The following PRKAG1 variants were observed in gnomAD, a reference collection of about 807,000 sequenced individuals.
The protein encoded by PRKAG1 is protein kinase AMP-activated non-catalytic subunit gamma 1.
Under a neutral mutation model 48.2 loss-of-function variants are expected in PRKAG1, and 27 were observed. That is an observed-to-expected ratio of 0.56 (90% CI 0.41 to 0.77). The LOEUF (loss-of-function observed/expected upper bound fraction) is 0.77. Among genes scored for constraint, PRKAG1 ranks in the 30% least tolerant of loss-of-function variants. The pLI is 0.00. For missense variants in PRKAG1, 287 were observed against 398.3 expected, an observed-to-expected ratio of 0.72 and a Z score of 2.38; for synonymous variants, 130 against 147.7, an observed-to-expected ratio of 0.88 and a Z score of 0.87.
chr12:49,004,442 TTCAATCAA>T (rs371341505), intron 8 of PRKAG1, 57 bp downstream of exon 8: 60 of 1,580,530 alleles, frequency 3.8e-5, no homozygotes, highest in Middle Eastern at 1.7e-4. Context: ...CGTCTCTCTT[TTCAATCAA>T]TCAATCAATC....
At position 49,005,422 on chromosome 12, in the gene PRKAG1, A is replaced by G; in HGVS notation, c.250+40T>C. The G allele has an allele frequency of 6.2e-7, 1 of 1,614,122 alleles. No individual in the cohort carries two copies. The highest frequency in any genetic ancestry group is 8.5e-7 in the Non-Finnish European group (1 of 1,180,032). ...TGAAGCTTGTCTCCCTGCCCAGCAC[A>G]AGATGCCAATAATATTGTGTTCCAG... On this transcript the variant is annotated intron_variant, in intron 4 of 11. Transcript: ENST00000548065. This position sits in a 1 kb window ranked among gnomAD's most constrained non-coding sequence, Gnocchi z 4.1.
intron 7 of PRKAG1, 135 bp downstream of exon 7, chr12:49,004,829 G>A (rs982715979): frequency 1.1e-6 from 1 of 912,878 alleles, no homozygotes; most frequent in Non-Finnish European, 1.8e-6. Flanking sequence ...GTGTGTGTGT[G>A]TGTGTGTGTG....
Position 49,005,315 on chromosome 12 carries a change from T to C in PRKAG1, c.300A>G (p.Lys100=), listed in dbSNP as rs771822493. 8 of 1,614,096 alleles carry C rather than the reference T, an allele frequency of 5.0e-6. No homozygotes were observed. Among genetic ancestry groups the C allele is most frequent in the Non-Finnish European group, 6.8e-6 (8 of 1,180,012 alleles). Residue 100 remains lysine, a synonymous_variant, in exon 5 of 12, where the codon AAA becomes AAG. Transcript: ENST00000548065. The surrounding 1 kb of genome is among the most constrained non-coding windows in gnomAD (Gnocchi z 4.1). ...GGTTAAGGTTCCTTACCAAGGCTGA[T>C]TTATAGTAGCGGTGCAGGATATTGA... ...DFINILHRYY[K]SALVQIYELE... is the part of the protein sequence containing the mutation.
Position 49,005,233 on chromosome 12 carries a change from G to A in PRKAG1, c.310-68C>T. The A allele has an allele frequency of 6.2e-7, 1 of 1,612,700 alleles. No homozygotes were observed. Among genetic ancestry groups the A allele is most frequent in the Non-Finnish European group, 8.5e-7 (1 of 1,178,786 alleles). On this transcript the variant is annotated intron_variant, in intron 5 of 11. Coordinates refer to ENST00000548065, the MANE Select transcript of PRKAG1 (RefSeq NM_002733.5). This position sits in a 1 kb window ranked among gnomAD's most constrained non-coding sequence, Gnocchi z 4.1. ...TTCCTTAAGCCCTCGTGGCTTGCTT[G>A]GAGAAAAAGAAATGAGAATGAGGGA...
chr12:49,018,683 G>C (rs749043443), intron 1 of PRKAG1, 49 bp downstream of exon 1: 5 of 1,613,416 alleles, frequency 3.1e-6, no homozygotes, highest in Admixed American at 3.3e-5. Context: ...GGGTTGGGGG[G>C]GTGTCTTAGG....
chr12:49,018,421 T>A (rs1036749675), intron 1 of PRKAG1: 4 of 1,280,942 alleles, frequency 3.1e-6, no homozygotes, highest in Non-Finnish European at 4.0e-6. Context: ...TAAAAGGGCT[T>A]GAGGTGCCAA....
At chr12:49,006,398 C>T (rs965531037) in intron 2 of PRKAG1, among the ~76,000 whole-genome samples, 4 of 151,942 alleles carry the variant, frequency 2.6e-5, no homozygotes, top group Non-Finnish European at 4.4e-5. Context: ...ATTCTAAGAC[C>T]TGCAAATGGG....
intron 2 of PRKAG1, among the ~76,000 whole-genome samples, chr12:49,007,442 G>A (rs1941587335): frequency 6.6e-6 from 1 of 152,138 alleles, no homozygotes; most frequent in African/African-American, 2.4e-5. Context: ...ACCCAGATCT[G>A]TTTCCAAACT....
At chr12:49,012,978 G>A (rs1941818296) in intron 2 of PRKAG1, 84 bp downstream of exon 2, 1 of 1,366,572 alleles carries the variant, frequency 7.3e-7, no homozygotes, top group Non-Finnish European at 1.0e-6. Flanking sequence ...TTTTCCAGGG[G>A]AGAGATTCAA....
At chr12:49,004,217 A>G in intron 8 of PRKAG1, 1 of 517,118 alleles carries the variant, frequency 1.9e-6, no homozygotes, top group Non-Finnish European at 3.4e-6. Context: ...CCTGAGACCA[A>G]GAGGTTGGAG....
At chr12:49,004,119 A>C (rs1321443469) in intron 8 of PRKAG1, 197 bp from the exon 9 acceptor site, 6 of 658,084 alleles carry the variant, frequency 9.1e-6, no homozygotes, top group Non-Finnish European at 1.4e-5. Context: ...GCAAAACCCT[A>C]TCTCTATAAA....
At chr12:49,003,507 T>TGG in intron 10 of PRKAG1, 51 bp downstream of exon 10, 6 of 1,548,102 alleles carry the variant, frequency 3.9e-6, no homozygotes, top group Non-Finnish European at 5.3e-6. Flanking sequence ...TATTTAACAG[T>TGG]GCCCCCCCCC....
intron 11 of PRKAG1, 22 bp downstream of exon 11, chr12:49,003,122 T>G (rs772986911): frequency 6.2e-7 from 1 of 1,613,958 alleles, no homozygotes; most frequent in East Asian, 2.2e-5. Context: ...CTCAGCTCCT[T>G]TAGGGTTGCT....
In PRKAG1 at chr12:49,005,835, T is replaced by A. The variant is rs201241007; in HGVS notation, c.76A>T (p.Asn26Tyr). The stretch of plus-strand genomic sequence containing the variant: ...TTCATGAAGGAAGTATACACGCTAT[T>A]GTTGGATTCTGGGGTCTCTGCATAG... ...EHPQETPESN[N>Y]SVYTSFMKSH... The change falls in exon 3 of 12, where the codon AAT (asparagine) becomes TAT (tyrosine). Residue 26 changes from asparagine to tyrosine, a missense_variant. Around this residue, in one of 2 missense-constraint regions of PRKAG1, gnomAD observed 63 missense variants for 54.0 expected, o/e 1.17. Transcript: ENST00000548065. The surrounding 1 kb of genome is among the most constrained non-coding windows in gnomAD (Gnocchi z 4.1). The A allele has an allele frequency of 4.4e-6, 7 of 1,608,230 alleles. No homozygotes were observed. Among genetic ancestry groups the A allele is most frequent in the Non-Finnish European group, 5.9e-6 (7 of 1,176,614 alleles).
At chr12:49,010,908 A>C (rs1941734085) in intron 2 of PRKAG1, among the ~76,000 whole-genome samples, 1 of 150,270 alleles carries the variant, frequency 6.7e-6, no homozygotes, top group Admixed American at 6.7e-5. Context: ...CAGTGGTGCG[A>C]TCTCCACTCA....
rs201550030 is a variant in PRKAG1, at chr12:49,018,756, G to A, written c.-16C>T. ...CCGTCTCCATTGCAAGAGGCGCCCG[G>A]CTTGGTTTCCTCGCTTTAGGAAACT... On this transcript the variant is annotated 5_prime_UTR_variant, in exon 1 of 12. Coordinates refer to ENST00000548065, the MANE Select transcript of PRKAG1 (RefSeq NM_002733.5). 2.5e-6 allele frequency: 4 copies of A among 1,612,544 alleles called. No homozygotes were observed. Among genetic ancestry groups the A allele is most frequent in the Non-Finnish European group, 3.4e-6 (4 of 1,179,964 alleles).
rs1345622652 is a variant in PRKAG1 at position 49,005,885 on chromosome 12, C to G, written c.59-33G>C. On this transcript the variant is annotated intron_variant, in intron 2 of 11. Coordinates refer to ENST00000548065, the MANE Select transcript of PRKAG1 (RefSeq NM_002733.5). This position sits in a 1 kb window ranked among gnomAD's most constrained non-coding sequence, Gnocchi z 4.1. ...GGGTGGGATAGTTAGTAGCTTCCTT[C>G]CACATAAAAACTCCCAATCAAAAGA... 13 of 1,468,718 alleles carry G rather than the reference C, an allele frequency of 8.9e-6. No homozygotes were observed. Among genetic ancestry groups the G allele is most frequent in the Non-Finnish European group, 9.2e-6 (10 of 1,084,098 alleles). The allele number at this position is 1,468,718 out of a possible 1,614,324, so 91.0% of individuals were successfully genotyped here.
chr12:49,011,842 G>A (rs1045562861), intron 2 of PRKAG1, among the ~76,000 whole-genome samples: 4 of 142,664 alleles, frequency 2.8e-5, no homozygotes, highest in Non-Finnish European at 6.0e-5. Context: ...GATTACAGGC[G>A]TGAGCCACCA....
chr12:49,018,593 CG>C (rs1275732586), intron 1 of PRKAG1, 138 bp downstream of exon 1: 1 of 1,517,696 alleles, frequency 6.6e-7, no homozygotes, highest in Non-Finnish European at 8.8e-7. Context: ...AACAGGGTCA[CG>C]GGATAGGGCA....
Sources: gnomAD v4.1 joint callset for allele counts (sites outside exome capture counted in the v4.1 genomes callset) on GRCh38, gnomAD v4.1.1 for gene constraint, gnomAD v4.1.1 regional missense constraint, Gnocchi (gnomAD v3.1) non-coding constraint, MANE v1.5 for transcripts, NCBI Gene and HGNC (gene_info 2026-07-23, HGNC 2026-07-21) for gene names.